PTPRR: variants seen among roughly 807,000 people sequenced by gnomAD.
PTPRR encodes the protein protein tyrosine phosphatase receptor type R, also known as receptor-type tyrosine-protein phosphatase R.
Under a neutral mutation model 77.2 loss-of-function variants are expected in PTPRR, and 38 were observed. That is an observed-to-expected ratio of 0.49 (90% confidence interval 0.38 to 0.65). The LOEUF (loss-of-function observed/expected upper bound fraction) is 0.65. Ranked by LOEUF, PTPRR falls within the 30% of genes least tolerant of loss-of-function variation. The pLI is 0.00. For missense variants in PTPRR, 744 were observed against 799.2 expected (o/e 0.93, Z 0.83); for synonymous variants, 299 against 283.1 (o/e 1.06, Z -0.57).
chr12:70,773,976 C>T (rs1891036846), intron 2 of PTPRR, among the ~76,000 whole-genome samples: 1 of 152,164 alleles, frequency 6.6e-6, no homozygotes, highest in Non-Finnish European at 1.5e-5. Flanking sequence ...TACGCATCTA[C>T]CTGGCATACC....
intron 2 of PTPRR, among the ~76,000 whole-genome samples, chr12:70,822,495 C>T (rs1892032825): frequency 6.6e-6 from 1 of 152,138 alleles, no homozygotes; most frequent in Non-Finnish European, 1.5e-5. Flanking sequence ...AGAGGCTCAG[C>T]CAATTATTCA....
At chr12:70,722,240 T>A (rs1889284579) in intron 6 of PTPRR, among the ~76,000 whole-genome samples, 1 of 152,110 alleles carries the variant, frequency 6.6e-6, no homozygotes, top group Non-Finnish European at 1.5e-5. Flanking sequence ...ACAAGACATT[T>A]TAGGAACAGG....
At chr12:70,852,816 T>A (rs566583970) in intron 2 of PTPRR, among the ~76,000 whole-genome samples, 3 of 152,204 alleles carry the variant, frequency 2.0e-5, no homozygotes, top group Admixed American at 2.0e-4. Flanking sequence ...TTCTCCCCCC[T>A]TCTATTCTTT....
At chr12:70,753,603 A>G (rs1890471742) in intron 5 of PTPRR, among the ~76,000 whole-genome samples, 1 of 152,110 alleles carries the variant, frequency 6.6e-6, no homozygotes, top group African/African-American at 2.4e-5. Flanking sequence ...TTTAAAGGCT[A>G]CACATTATTA....
At chr12:70,750,249 A>G (rs1469684370) in intron 5 of PTPRR, among the ~76,000 whole-genome samples, 2 of 152,148 alleles carry the variant, frequency 1.3e-5, no homozygotes, top group African/African-American at 4.8e-5. Flanking sequence ...ACAACCTTCC[A>G]TTACAGCAAT....
chr12:70,652,923 C>G (rs919763177), intron 13 of PTPRR, among the ~76,000 whole-genome samples: 2 of 152,094 alleles, frequency 1.3e-5, no homozygotes, highest in African/African-American at 4.8e-5. Context: ...GGTGAGCAGG[C>G]AAGAATTAAT....
intron 6 of PTPRR, among the ~76,000 whole-genome samples, chr12:70,706,473 A>G (rs1888623263): frequency 6.6e-6 from 1 of 152,110 alleles, no homozygotes; most frequent in South Asian, 2.1e-4. Flanking sequence ...GGAAGATGAT[A>G]TATGAATTTC....
chr12:70,915,091 T>C (rs1023276951), intron 1 of PTPRR, among the ~76,000 whole-genome samples: 12 of 151,966 alleles, frequency 7.9e-5, no homozygotes, highest in African/African-American at 2.2e-4. Flanking sequence ...AAAGTACAAA[T>C]TGAGAAATGG....
intron 10 of PTPRR, among the ~76,000 whole-genome samples, chr12:70,676,527 C>G (rs1887452973): frequency 6.6e-6 from 1 of 151,844 alleles, no homozygotes; most frequent in South Asian, 2.1e-4. Flanking sequence ...TTGTATGCCT[C>G]ATAATTTTGA....
chr12:70,866,944 T>G (rs1892862567), intron 2 of PTPRR, among the ~76,000 whole-genome samples: 1 of 151,618 alleles, frequency 6.6e-6, no homozygotes, highest in Non-Finnish European at 1.5e-5. Flanking sequence ...CATGATGATC[T>G]CAATAGATGC....
chr12:70,798,822 AACCCC>A, intron 2 of PTPRR, among the ~76,000 whole-genome samples: 1 of 139,406 alleles, frequency 7.2e-6, no homozygotes, highest in East Asian at 2.1e-4. Context: ...AGTCTCTAAT[AACCCC>A]ATTTGTGTGG....
At chr12:70,775,180 C>A (rs1399795553) in intron 2 of PTPRR, among the ~76,000 whole-genome samples, 1 of 146,956 alleles carries the variant, frequency 6.8e-6, no homozygotes, top group Non-Finnish European at 1.5e-5. Flanking sequence ...ATTGTTATTA[C>A]AAATATATAA....
intron 2 of PTPRR, among the ~76,000 whole-genome samples, chr12:70,765,589 G>C (rs887602904): frequency 6.6e-5 from 10 of 152,208 alleles, no homozygotes; most frequent in African/African-American, 2.2e-4. Flanking sequence ...GCAGGGCACA[G>C]ACAAACAAAA....
At chr12:70,731,009 TAGAGGAAGGAGAGAG>T (rs1408867881) in intron 6 of PTPRR, among the ~76,000 whole-genome samples, 11 of 69,252 alleles carry the variant, frequency 1.6e-4, no homozygotes, top group African/African-American at 4.5e-4. Flanking sequence ...GAAGGAGAGA[TAGAGGAAGGAGAGAG>T]AGAGGAAGGA....
rs778340810 is a variant in PTPRR, at chr12:70,782,113, C to A, written c.358-17335G>T. ...TTTAAAAAGGGTAAGATCTTGTAGA[C>A]AAGGACAATATTCAGGAGCTTCTTG... On this transcript the variant is annotated intron_variant, in intron 2 of 13. Coordinates refer to ENST00000283228, the MANE Select transcript of PTPRR (RefSeq NM_002849.4). 1.3e-5 allele frequency among the ~76,000 whole-genome samples: 2 copies of A among 152,208 alleles called. 1 individual carries two copies.
At chr12:70,806,842 T>G (rs1201193461) in intron 2 of PTPRR, among the ~76,000 whole-genome samples, 1 of 152,172 alleles carries the variant, frequency 6.6e-6, no homozygotes, top group Non-Finnish European at 1.5e-5. Flanking sequence ...ACAACTGATT[T>G]CTTTCTGTTT....
intron 8 of PTPRR, among the ~76,000 whole-genome samples, chr12:70,697,411 T>C (rs1344487653): frequency 1.4e-5 from 2 of 148,074 alleles, no homozygotes; most frequent in Non-Finnish European, 2.9e-5. Flanking sequence ...TTTTGGGTTG[T>C]TTGTGTTTCT....
chr12:70,798,517 G>A (rs1251220336), intron 2 of PTPRR, among the ~76,000 whole-genome samples: 1 of 152,116 alleles, frequency 6.6e-6, no homozygotes, highest in Non-Finnish European at 1.5e-5. Flanking sequence ...GGTTTACAAA[G>A]CCCTGCATAT....
intron 2 of PTPRR, among the ~76,000 whole-genome samples, chr12:70,805,152 A>G (rs1234711082): frequency 6.6e-6 from 1 of 152,034 alleles, no homozygotes; most frequent in East Asian, 1.9e-4. Flanking sequence ...TTATCTTAGC[A>G]TTGTATAAAT....
Sources: allele counts gnomAD v4.1 joint callset (sites outside exome capture counted in the v4.1 genomes callset), GRCh38; gene constraint gnomAD v4.1.1; transcripts MANE v1.5; gene names NCBI Gene and HGNC (gene_info 2026-07-23, HGNC 2026-07-21).